PPFIA1: variants seen among roughly 807,000 people sequenced by gnomAD.
PPFIA1 encodes PPFI scaffold protein A1, also known as liprin-alpha-1.
Under a neutral mutation model 149.9 loss-of-function variants are expected in PPFIA1, and 25 were observed. The observed-to-expected ratio is 0.17, with a 90% CI of 0.12 to 0.23. PPFIA1 has a LOEUF of 0.23. PPFIA1 is among the 10% of genes least tolerant of loss of function. The pLI is 1.00. For synonymous variants in PPFIA1, 549 were observed against 552.8 expected, an observed-to-expected ratio of 0.99 and a Z score of 0.10; for missense variants, 1,362 against 1,506.5, an observed-to-expected ratio of 0.90 and a Z score of 1.59.
chr11:70,297,361 A>G (rs1041863749), intron 2 of PPFIA1, among the ~76,000 whole-genome samples: 1 of 152,128 alleles, frequency 6.6e-6, no homozygotes, highest in Non-Finnish European at 1.5e-5. Flanking sequence ...GTGAGCTATG[A>G]TCATACCACT....
At chr11:70,340,419 G>A (rs2055256480) in intron 14 of PPFIA1, among the ~76,000 whole-genome samples, 3 of 152,242 alleles carry the variant, frequency 2.0e-5, no homozygotes, top group Non-Finnish European at 4.4e-5. Context: ...CTCCAGCTTG[G>A]TCAACAGAGT....
At chr11:70,298,341 A>G (rs1376620784) in intron 2 of PPFIA1, among the ~76,000 whole-genome samples, 1 of 152,212 alleles carries the variant, frequency 6.6e-6, no homozygotes, top group Non-Finnish European at 1.5e-5. Context: ...TACATCGGAA[A>G]GAATCTACAT....
At chr11:70,369,482 T>C (rs534511273) in intron 21 of PPFIA1, among the ~76,000 whole-genome samples, 1 of 152,230 alleles carries the variant, frequency 6.6e-6, no homozygotes, top group Non-Finnish European at 1.5e-5. Context: ...CCTCATAGAA[T>C]GAGATAAGGT....
At chr11:70,334,275 G>A (rs7129843) in intron 10 of PPFIA1, 33,227 of 152,026 alleles carry the variant, frequency 0.22, 5,528 homozygotes, top group African/African-American at 0.46. Flanking sequence ...AGCATGCAGC[G>A]TCTAATTTTA....
chr11:70,331,778 T>TCAAAAA lies in PPFIA1; in HGVS notation c.1078-150_1078-145dup, dbSNP rs71049906. ...CTGGGTGACAAAGCGAGACTATGTC[T>TCAAAAA]CAAAAACAAAAACAAAAACAAAAAC... On this transcript the variant is annotated intron_variant, in intron 8 of 27. Coordinates refer to ENST00000253925, the MANE Select transcript of PPFIA1 (RefSeq NM_003626.5). 1.7e-3 allele frequency among the ~76,000 whole-genome samples: 249 copies of TCAAAAA among 150,374 alleles called. 1 individual carries two copies. The highest frequency in any genetic ancestry group is 6.9e-3 in the South Asian group (33 of 4,756).
intron 17 of PPFIA1, 53 bp from the exon 18 acceptor site, chr11:70,355,586 T>C (rs2137360908): frequency 6.6e-7 from 1 of 1,509,182 alleles, no homozygotes; most frequent in East Asian, 2.3e-5. Context: ...ACTGTTAATA[T>C]GTGAAGTATC....
In PPFIA1 at chr11:70,362,268, C is replaced by CT; in HGVS notation, c.2665-18dup. The CT allele has an allele frequency of 6.2e-7, 1 of 1,613,908 alleles. No homozygotes were observed. ...GACTGTACCTCACTGTGCTGCCTTC[C>CT]TTCCGCTTTCCGCCTCCAGCTCTGG... On this transcript the variant is annotated intron_variant, in intron 20 of 27. Coordinates refer to ENST00000253925, the MANE Select transcript of PPFIA1 (RefSeq NM_003626.5).
intron 21 of PPFIA1, chr11:70,364,562 G>T (rs2056822383): frequency 6.6e-6 from 1 of 152,086 alleles, no homozygotes; most frequent in African/African-American, 2.4e-5. Flanking sequence ...AGTTTTGAGG[G>T]GTTTTACTTG....
intron 2 of PPFIA1, among the ~76,000 whole-genome samples, chr11:70,291,275 C>G (rs759155409): frequency 3.6e-4 from 55 of 152,116 alleles, no homozygotes; most frequent in Non-Finnish European, 6.5e-4. Context: ...GAATGACAGC[C>G]GAGGTCATGG....
At chr11:70,296,793 C>A (rs2052075114) in intron 2 of PPFIA1, among the ~76,000 whole-genome samples, 1 of 150,760 alleles carries the variant, frequency 6.6e-6, no homozygotes, top group Non-Finnish European at 1.5e-5. Context: ...GGAGAATTTT[C>A]TTTATCACAT....
At chr11:70,349,175 G>C (rs2055899679) in intron 16 of PPFIA1, among the ~76,000 whole-genome samples, 1 of 151,288 alleles carries the variant, frequency 6.6e-6, no homozygotes, top group Non-Finnish European at 1.5e-5. Context: ...CATGAAATGG[G>C]TTCTGCATTT....
At chr11:70,352,659 C>G (rs534794626) in intron 16 of PPFIA1, among the ~76,000 whole-genome samples, 1 of 151,510 alleles carries the variant, frequency 6.6e-6, no homozygotes, top group Non-Finnish European at 1.5e-5. Context: ...TCCCTGCTTT[C>G]TAGTAGGCCT....
chr11:70,299,443 ATCAAGGGAAAGG>A (rs570801236), intron 2 of PPFIA1, among the ~76,000 whole-genome samples: 104 of 152,308 alleles, frequency 6.8e-4, no homozygotes, highest in African/African-American at 2.5e-3. Flanking sequence ...TGTGAAAAGA[ATCAAGGGAAAGG>A]TAGCACTTGC....
chr11:70,293,928 TTCTC>T lies in PPFIA1; in HGVS notation c.264+21504_264+21507del, dbSNP rs770715230. Reference sequence around the variant, plus strand: ...TAAATACTCTGTAGTTCCTGCACAGTTCTCTCTCTCTCTCTTTTTTTTTTTTTTT... The same window carrying T: ...TAAATACTCTGTAGTTCCTGCACAGTTCTCTCTCTCTTTTTTTTTTTTTTT... On this transcript the variant is annotated intron_variant, in intron 2 of 27. Transcript: ENST00000253925. 9.3e-3 allele frequency among the ~76,000 whole-genome samples: 1,372 copies of T among 148,046 alleles called. 35 individuals carry two copies. In the East Asian group the frequency reaches 0.095, roughly 10 times the overall value.
intron 26 of PPFIA1, among the ~76,000 whole-genome samples, chr11:70,381,658 G>C (rs2057719279): frequency 1.3e-5 from 2 of 152,184 alleles, no homozygotes; most frequent in African/African-American, 4.8e-5. Context: ...CGCTCAGTGG[G>C]GCTGGGCAGC....
chr11:70,284,991 A>G (rs2051010536), intron 2 of PPFIA1, among the ~76,000 whole-genome samples: 1 of 151,786 alleles, frequency 6.6e-6, no homozygotes, highest in Admixed American at 6.6e-5. Context: ...GTTGTTATTT[A>G]TTTATTTTTA....
intron 7 of PPFIA1, among the ~76,000 whole-genome samples, chr11:70,328,588 T>G (rs1322978975): frequency 6.6e-6 from 1 of 152,208 alleles, no homozygotes; most frequent in African/African-American, 2.4e-5. Flanking sequence ...CCTTTGGGTA[T>G]ATACCCCGTA....
At chr11:70,282,348 G>C (rs983395944) in intron 2 of PPFIA1, 3 of 152,586 alleles carry the variant, frequency 2.0e-5, no homozygotes, top group African/African-American at 7.2e-5. Flanking sequence ...TCTTACTTTG[G>C]AGATGGGGTC....
intron 2 of PPFIA1, among the ~76,000 whole-genome samples, chr11:70,313,948 G>A (rs990522612): frequency 1.3e-5 from 2 of 152,172 alleles, no homozygotes; most frequent in Non-Finnish European, 2.9e-5. Flanking sequence ...AGCCTAGGAA[G>A]TCAAGGTTTC....
Sources: gnomAD v4.1 joint callset for allele counts (sites outside exome capture counted in the v4.1 genomes callset) on GRCh38, gnomAD v4.1.1 for gene constraint, MANE v1.5 for transcripts, NCBI Gene and HGNC (gene_info 2026-07-23, HGNC 2026-07-21) for gene names.